Variants in SYT17 observed in about 807,000 individuals in gnomAD.
SYT17 encodes synaptotagmin 17, also known as synaptotagmin-17.
In SYT17, 22 loss-of-function variants were observed where a neutral mutation model predicts 46.7. That is an observed-to-expected ratio of 0.47 (90% CI 0.34 to 0.67). The LOEUF (loss-of-function observed/expected upper bound fraction) is 0.67. Ranked by LOEUF, SYT17 falls within the 30% of genes least tolerant of loss-of-function variation. The pLI, the probability that SYT17 is intolerant of heterozygous loss-of-function variation, is 0.01. For synonymous variants in SYT17, 251 were observed against 248.4 expected (o/e 1.01, Z -0.10); for missense variants, 519 against 612.8 (o/e 0.85, Z 1.62).
At chr16:19,212,663 T>G (rs1411864385) in intron 5 of SYT17, among the ~76,000 whole-genome samples, 2 of 152,156 alleles carry the variant, frequency 1.3e-5, no homozygotes, top group Non-Finnish European at 2.9e-5. Context: ...AGTGAGGTAA[T>G]GGCATGGTTC....
chr16:19,189,809 T>C (rs902145649), intron 5 of SYT17, among the ~76,000 whole-genome samples: 3 of 152,262 alleles, frequency 2.0e-5, no homozygotes, highest in African/African-American at 7.2e-5. Context: ...GGAGTTGAGC[T>C]AATGCTTAGT....
chr16:19,241,893 G>A (rs111713154), intron 7 of SYT17, among the ~76,000 whole-genome samples: 1,873 of 152,286 alleles, frequency 0.012, 43 homozygotes, highest in African/African-American at 0.042. Context: ...CCCGTTCCCC[G>A]CAACTGCCCC....
chr16:19,200,260 G>A (rs1289391068), intron 5 of SYT17, among the ~76,000 whole-genome samples: 1 of 152,166 alleles, frequency 6.6e-6, no homozygotes, highest in Non-Finnish European at 1.5e-5. Context: ...ATATACATGG[G>A]CCCATATACA....
At chr16:19,169,262 T>TC (rs922549473) in intron 1 of SYT17, among the ~76,000 whole-genome samples, 2 of 132,924 alleles carry the variant, frequency 1.5e-5, no homozygotes, top group Admixed American at 8.2e-5. Flanking sequence ...TGAAGAAACG[T>TC]CCCCCAAGAA....
chr16:19,224,590 AAGAC>A (rs1966434599), intron 6 of SYT17, 89 bp from the exon 7 acceptor site: 3 of 1,415,364 alleles, frequency 2.1e-6, no homozygotes, highest in Non-Finnish European at 2.9e-6. Context: ...GAGGAATAAA[AAGAC>A]AGATGGATGG....
intron 6 of SYT17, among the ~76,000 whole-genome samples, chr16:19,223,611 A>G (rs1426127061): frequency 6.6e-6 from 1 of 152,220 alleles, no homozygotes; most frequent in Non-Finnish European, 1.5e-5. Flanking sequence ...ATGACTTTTA[A>G]TGGAACGGAA....
intron 7 of SYT17, among the ~76,000 whole-genome samples, chr16:19,259,816 G>T (rs1240750751): frequency 6.6e-6 from 1 of 152,096 alleles, no homozygotes; most frequent in African/African-American, 2.4e-5. Context: ...ATCAGTTTGG[G>T]AGTTTATTTT....
At chr16:19,230,225 T>C (rs964261136) in intron 7 of SYT17, among the ~76,000 whole-genome samples, 2 of 152,082 alleles carry the variant, frequency 1.3e-5, no homozygotes, top group African/African-American at 4.8e-5. Flanking sequence ...CTGGCCAATA[T>C]GGTGAAACCC....
intron 5 of SYT17, among the ~76,000 whole-genome samples, chr16:19,214,399 A>AC (rs1336291435): frequency 6.6e-6 from 1 of 152,034 alleles, no homozygotes; most frequent in East Asian, 1.9e-4. Context: ...CAGTGGCACC[A>AC]CCAACATTCA....
chr16:19,218,681 C>T (rs776515990), intron 5 of SYT17, among the ~76,000 whole-genome samples: 1 of 152,116 alleles, frequency 6.6e-6, no homozygotes. Context: ...GTATTGAGGG[C>T]CCAGAAGATG....
intron 5 of SYT17, among the ~76,000 whole-genome samples, chr16:19,213,988 C>A (rs1214257198): frequency 6.6e-6 from 1 of 152,174 alleles, no homozygotes; most frequent in Non-Finnish European, 1.5e-5. Flanking sequence ...CCAGACCATT[C>A]CTTGTTGAGG....
intron 7 of SYT17, among the ~76,000 whole-genome samples, chr16:19,240,359 C>G (rs1426700658): frequency 6.6e-6 from 1 of 152,164 alleles, no homozygotes; most frequent in East Asian, 1.9e-4. Flanking sequence ...GGTAGCTCCT[C>G]TCTGTAGCCA....
chr16:19,222,563 A>G (rs1341709498), intron 5 of SYT17, among the ~76,000 whole-genome samples: 1 of 152,196 alleles, frequency 6.6e-6, no homozygotes, highest in East Asian at 1.9e-4. Context: ...CCTCCCAGGT[A>G]TCCTATTGGA....
intron 5 of SYT17, among the ~76,000 whole-genome samples, chr16:19,211,652 G>A (rs1053848427): frequency 4.0e-5 from 6 of 150,442 alleles, no homozygotes; most frequent in Admixed American, 1.3e-4. Context: ...ACAGAGTCTC[G>A]CTCTGTCGCC....
chr16:19,192,553 T>C (rs1965067533), intron 5 of SYT17, among the ~76,000 whole-genome samples: 1 of 152,092 alleles, frequency 6.6e-6, no homozygotes, highest in Admixed American at 6.5e-5. Context: ...AGAGATCCTG[T>C]TTCTACAGGA....
chr16:19,244,135 C>G lies in SYT17; in HGVS notation c.1228+19297C>G, dbSNP rs78751476. On this transcript the variant is annotated intron_variant, in intron 7 of 7. Transcript: ENST00000355377. ...CCCAAGTACTTTATAAGCACTGTCT[C>G]AACTCATCGCACAACAACCAGACGA... 2.6e-5 allele frequency among the ~76,000 whole-genome samples: 4 copies of G among 152,270 alleles called. No individual in the cohort carries two copies. The East Asian group carries it at 5.8e-4, about 22-fold the overall frequency.
chr16:19,170,747 GATT>G (rs1159632161), intron 1 of SYT17: 1 of 152,142 alleles, frequency 6.6e-6, no homozygotes, highest in Non-Finnish European at 1.5e-5. Context: ...AATGGTCATA[GATT>G]ATTATGAAAA....
chr16:19,229,274 G>C (rs1309275479), intron 7 of SYT17, among the ~76,000 whole-genome samples: 1 of 152,124 alleles, frequency 6.6e-6, no homozygotes, highest in East Asian at 1.9e-4. Flanking sequence ...GAGTTTAATT[G>C]GCTCATGGGT....
At chr16:19,179,493 C>T (rs1248031780) in intron 3 of SYT17, among the ~76,000 whole-genome samples, 1 of 152,120 alleles carries the variant, frequency 6.6e-6, no homozygotes, top group Non-Finnish European at 1.5e-5. Context: ...TCTCAAACTC[C>T]TGGCCTCAAG....
Sources: gnomAD v4.1 joint callset for allele counts (sites outside exome capture counted in the v4.1 genomes callset) on GRCh38, gnomAD v4.1.1 for gene constraint, MANE v1.5 for transcripts, NCBI Gene and HGNC (gene_info 2026-07-23, HGNC 2026-07-21) for gene names.